Variants in TRMT2B observed in about 807,000 individuals in gnomAD.
The protein encoded by TRMT2B is tRNA methyltransferase 2B, also known as tRNA (uracil-5-)-methyltransferase homolog B.
A neutral mutation model predicts 39.7 loss-of-function variants in TRMT2B; 34 were observed. The observed-to-expected ratio is 0.86, with a 90% CI of 0.65 to 1.14. The LOEUF is 1.14. Ranked by LOEUF, TRMT2B falls within the 50% of genes most tolerant of loss-of-function variation. The pLI is 0.00. For synonymous variants in TRMT2B, 132 were observed against 137.3 expected (o/e 0.96, Z 0.27); for missense variants, 318 against 377.2 (o/e 0.84, Z 1.30).
intron 11 of TRMT2B, among the ~76,000 whole-genome samples, chrX:101,020,203 ATTC>A (rs767576861): frequency 1.1e-4 from 12 of 111,521 alleles, no homozygotes; most frequent in African/African-American, 3.9e-4. Context: ...TGCCAAGGAG[ATTC>A]TTCTTCTATT....
At chrX:101,021,495 G>A (rs1191573609) in intron 9 of TRMT2B, among the ~76,000 whole-genome samples, 180 bp from the exon 10 acceptor site, 1 of 111,458 alleles carries the variant, frequency 9.0e-6, no homozygotes. Context: ...CAGGTGTGGT[G>A]GCACATGCCT....
the TRMT2B span, among the ~76,000 whole-genome samples, chrX:100,975,125 T>C: frequency 9.8e-5 from 11 of 112,042 alleles, no homozygotes; most frequent in East Asian, 5.6e-4. Context: ...ATCTTCAAGA[T>C]AAAACTTAAG....
At chrX:101,047,779 C>G (rs1393923492) in intron 2 of TRMT2B, among the ~76,000 whole-genome samples, 1 of 109,576 alleles carries the variant, frequency 9.1e-6, no homozygotes, top group Non-Finnish European at 1.9e-5. Flanking sequence ...TGCAGTAGGC[C>G]AAGATTGCAA....
chrX:101,047,944 A>C (rs1052602334), intron 2 of TRMT2B, among the ~76,000 whole-genome samples: 5 of 110,317 alleles, frequency 4.5e-5, no homozygotes, highest in African/African-American at 1.6e-4. Flanking sequence ...GGCATGAGCC[A>C]CCATGCCCAG....
the TRMT2B span, among the ~76,000 whole-genome samples, chrX:101,003,469 C>T: frequency 9.1e-6 from 1 of 110,238 alleles, no homozygotes; most frequent in Non-Finnish European, 1.9e-5. Context: ...CTGCCTCAGC[C>T]TCCCAAGTAG....
At chrX:101,027,018 TCTC>T (rs1486942202) in intron 7 of TRMT2B, among the ~76,000 whole-genome samples, 1 of 110,945 alleles carries the variant, frequency 9.0e-6, no homozygotes, top group Non-Finnish European at 1.9e-5. Context: ...CTCCCATTCT[TCTC>T]CTTCTACTCA....
chrX:100,974,804 A>C, the TRMT2B span, among the ~76,000 whole-genome samples: 1 of 112,004 alleles, frequency 8.9e-6, no homozygotes, highest in Non-Finnish European at 1.9e-5. Context: ...TTAAGGACCA[A>C]TCAAAGAAGC....
chrX:101,040,288 TA>T (rs1381601958), intron 4 of TRMT2B, among the ~76,000 whole-genome samples: 1 of 28,870 alleles, frequency 3.5e-5, no homozygotes, highest in Non-Finnish European at 5.6e-5. Context: ...AGCCAGACTC[TA>T]TTTAAAAAAA....
At chrX:101,015,939 AG>A (rs2086489308) in intron 13 of TRMT2B, among the ~76,000 whole-genome samples, 1 of 110,524 alleles carries the variant, frequency 9.0e-6, no homozygotes, top group Admixed American at 9.8e-5. Flanking sequence ...GCGTGGTGGC[AG>A]GTGCCTGTAA....
the TRMT2B span, chrX:100,973,723 C>G: frequency 8.3e-7 from 1 of 1,211,139 alleles, no homozygotes; most frequent in Non-Finnish European, 1.1e-6. Context: ...CTGCTCTTGC[C>G]TAAGGACAAC....
At chrX:101,008,552 C>T (rs987810505), downstream of TRMT2B, among the ~76,000 whole-genome samples, 7 of 110,945 alleles carry the variant, frequency 6.3e-5, no homozygotes, top group African/African-American at 2.3e-4. Flanking sequence ...AACCGGGAGG[C>T]GGAGAGGTTG....
At chrX:101,039,626 G>A (rs1374340849) in intron 4 of TRMT2B, among the ~76,000 whole-genome samples, 2 of 111,982 alleles carry the variant, frequency 1.8e-5, no homozygotes, top group Non-Finnish European at 3.8e-5. Context: ...AGCTAGGCAC[G>A]GTGGCTCACG....
At chrX:101,021,615 C>G (rs765390935) in intron 9 of TRMT2B, among the ~76,000 whole-genome samples, 1 of 109,136 alleles carries the variant, frequency 9.2e-6, no homozygotes, top group Non-Finnish European at 1.9e-5. Flanking sequence ...GGTAACAGAG[C>G]GAGACTCGGT....
At chrX:101,016,591 C>G (rs1260372647) in intron 13 of TRMT2B, among the ~76,000 whole-genome samples, 1 of 107,509 alleles carries the variant, frequency 9.3e-6, no homozygotes, top group African/African-American at 3.4e-5. Flanking sequence ...ATTCTCATGC[C>G]AAGTAGCTGG....
chrX:101,050,400 T>A (rs1195468727), intron 2 of TRMT2B, among the ~76,000 whole-genome samples: 7 of 112,706 alleles, frequency 6.2e-5, no homozygotes, highest in Non-Finnish European at 1.9e-5. Flanking sequence ...CAGAAGAGAC[T>A]ATTTTCTTTT....
At chrX:101,039,465 A>G (rs916468046) in intron 4 of TRMT2B, among the ~76,000 whole-genome samples, 3 of 112,377 alleles carry the variant, frequency 2.7e-5, no homozygotes, top group African/African-American at 9.7e-5. Context: ...AAAATCACTC[A>G]CAAAAAGATC....
chrX:101,004,753 G>A (rs1046059294), downstream of TRMT2B, among the ~76,000 whole-genome samples: 1 of 110,940 alleles, frequency 9.0e-6, no homozygotes. Flanking sequence ...TGCCCGCCTC[G>A]GCCTCCTAAA....
rs752380048 is a variant in TRMT2B, at chrX:101,019,413, A to G, written c.1169-10T>C. 1 of 1,207,994 alleles carries G rather than the reference A, an allele frequency of 8.3e-7. No individual in the cohort carries two copies. Among genetic ancestry groups the G allele is most frequent in the African/African-American group, 1.8e-5 (1 of 56,812 alleles). On this transcript the variant is annotated splice_polypyrimidine_tract_variant and intron_variant, in intron 11 of 13. Coordinates refer to ENST00000372936, the MANE Select transcript of TRMT2B (RefSeq NM_024917.6). ...TCAGAGTTGGTGATGCCTATGGAAGACAGGCCCACAGGACATAACTCAAGC... is the reference window on the plus strand; with the variant it reads ...TCAGAGTTGGTGATGCCTATGGAAGGCAGGCCCACAGGACATAACTCAAGC...
intron 13 of TRMT2B, among the ~76,000 whole-genome samples, chrX:101,010,939 G>C (rs1182541011): frequency 1.8e-5 from 2 of 111,662 alleles, no homozygotes; most frequent in African/African-American, 6.5e-5. Flanking sequence ...TCATCTCTGG[G>C]TTCCCAGTAT....
Sources: allele counts gnomAD v4.1 joint callset (sites outside exome capture counted in the v4.1 genomes callset), GRCh38; gene constraint gnomAD v4.1.1; transcripts MANE v1.5; gene names NCBI Gene and HGNC (gene_info 2026-07-23, HGNC 2026-07-21).